ZMYND15: variants seen among roughly 807,000 people sequenced by gnomAD.
ZMYND15 encodes zinc finger MYND domain-containing protein 15.
Under a neutral mutation model 81.7 loss-of-function variants are expected in ZMYND15, and 54 were observed. The observed-to-expected ratio is 0.66, with a 90% CI of 0.53 to 0.83. The LOEUF (loss-of-function observed/expected upper bound fraction) is 0.83. Ranked by LOEUF, ZMYND15 falls within the 40% of genes least tolerant of loss-of-function variation. ZMYND15 has a pLI of 0.00. For missense variants in ZMYND15, 925 were observed against 973.5 expected (o/e 0.95, Z 0.66); for synonymous variants, 399 against 387.0 (o/e 1.03, Z -0.36).
chr17:4,742,791 T>C (rs1377740694), intron 5 of ZMYND15, among the ~76,000 whole-genome samples: 1 of 152,118 alleles, frequency 6.6e-6, no homozygotes, highest in African/African-American at 2.4e-5. Flanking sequence ...CCACTTTACT[T>C]CTTGAAGCTT....
chr17:4,740,068 C>G lies in ZMYND15; in HGVS notation c.-31+18C>G. On this transcript the variant is annotated intron_variant, in intron 1 of 13. Transcript: ENST00000433935. ...GGCTGCAGGTACCGGAGGAGTGGGG[C>G]GGCCGGGAGGGGCTAGGTCTACCGG... The G allele has an allele frequency of 2.0e-6, 2 of 986,016 alleles. No homozygotes were observed. The highest frequency in any genetic ancestry group is 2.4e-6 in the Non-Finnish European group (2 of 830,406). The allele number at this position is 986,016 out of a possible 1,614,324, so 61.1% of individuals were successfully genotyped here.
Position 4,743,441 on chromosome 17 carries a change from G to C in ZMYND15, c.1283G>C (p.Ser428Thr). ...RHPRGNTPSL[S>T]LLRGGDPYQL... Reference sequence around the variant, plus strand: ...CCCCGAGGCAACACGCCATCCCTCAGCCTTCTTCGCGGTGGTGCGTGGGGT... The same window carrying C: ...CCCCGAGGCAACACGCCATCCCTCACCCTTCTTCGCGGTGGTGCGTGGGGT... The change falls in exon 6 of 14, where the codon AGC (serine) becomes ACC (threonine). Residue 428 changes from serine (S) to threonine (T), a missense_variant. Transcript: ENST00000433935. The surrounding 1 kb of genome is among the most constrained non-coding windows in gnomAD (Gnocchi z 4.3). 1 of 1,614,072 alleles carries C rather than the reference G, an allele frequency of 6.2e-7. No individual in the cohort carries two copies. Among genetic ancestry groups the C allele is most frequent in the African/African-American group, 1.3e-5 (1 of 75,024 alleles).
At position 4,740,769 on chromosome 17, in the gene ZMYND15, G is replaced by A; in HGVS notation, c.221G>A (p.Gly74Glu). The A allele has an allele frequency of 6.3e-7, 1 of 1,598,452 alleles. No individual in the cohort carries two copies. The highest frequency in any genetic ancestry group is 8.6e-7 in the Non-Finnish European group (1 of 1,169,002). ...NHSVGISLGQ[G>E]AEPGPGPGLG... ...AGTGTGGGCATCAGCCTGGGGCAAG[G>A]GGCAGAACCAGGTCCTGGACCAGGC... The change falls in exon 2 of 14, where the codon GGG becomes GAG. Residue 74 changes from glycine to glutamate, a missense_variant. By Grantham distance (98) the Gly-to-Glu change is moderately conservative (BLOSUM62 -2). Coordinates refer to ENST00000433935, the MANE Select transcript of ZMYND15 (RefSeq NM_001136046.3).
chr17:4,744,187 C>G lies in ZMYND15; in HGVS notation c.1496-3C>G, dbSNP rs1916562569. ...ATCCTTAAAGCGCTGGTTTTTCACCCAGTCCCTGAGCTCAACATCCAAAAC... is the reference window on the plus strand; with the variant it reads ...ATCCTTAAAGCGCTGGTTTTTCACCGAGTCCCTGAGCTCAACATCCAAAAC... On this transcript the variant is annotated splice_polypyrimidine_tract_variant and splice_region_variant and intron_variant, in intron 8 of 13. Coordinates refer to ENST00000433935, the MANE Select transcript of ZMYND15 (RefSeq NM_001136046.3). The surrounding 1 kb of genome is among the most constrained non-coding windows in gnomAD (Gnocchi z 4.1). 6.2e-7 allele frequency: 1 copy of G among 1,613,970 alleles called. No homozygotes were observed. Among genetic ancestry groups the G allele is most frequent in the African/African-American group, 1.3e-5 (1 of 74,888 alleles).
chr17:4,740,362 T>C, intron 1 of ZMYND15, 157 bp from the exon 2 acceptor site: 1 of 1,260,702 alleles, frequency 7.9e-7, no homozygotes, highest in Admixed American at 3.5e-5. Context: ...TAAACTCCCA[T>C]CCTCAGCCCT....
At position 4,743,386 on chromosome 17, in the gene ZMYND15, C is replaced by T; in HGVS notation, c.1228C>T (p.Leu410=). Residue 410 remains leucine (L), a synonymous_variant, in exon 6 of 14, where the codon CTG becomes TTG. Coordinates refer to ENST00000433935, the MANE Select transcript of ZMYND15 (RefSeq NM_001136046.3). The surrounding 1 kb of genome is among the most constrained non-coding windows in gnomAD (Gnocchi z 4.3). ...TRGYWTQLSM[L]IPGPGFSRHP... ...TGGCTATTGGACCCAGCTCAGCATG[C>T]TGATTCCAGGCCCGGGCTTCTCCAG... 1.2e-6 allele frequency: 2 copies of T among 1,614,136 alleles called. No homozygotes were observed. Among genetic ancestry groups the T allele is most frequent in the Non-Finnish European group, 1.7e-6 (2 of 1,180,010 alleles).
At position 4,744,575 on chromosome 17, in the gene ZMYND15, A is replaced by C. The variant is rs766990208; in HGVS notation, c.1684-50A>C. On this transcript the variant is annotated intron_variant, in intron 10 of 13. Transcript: ENST00000433935. The surrounding 1 kb of genome is among the most constrained non-coding windows in gnomAD (Gnocchi z 4.1). ...CCCCATCTTGCCTGGTGCATCCTCCAGTTCCCTGACTTCCAGTGGCTTTTC... is the reference window on the plus strand; with the variant it reads ...CCCCATCTTGCCTGGTGCATCCTCCCGTTCCCTGACTTCCAGTGGCTTTTC... The C allele has an allele frequency of 1.2e-6, 2 of 1,602,412 alleles. No homozygotes were observed. The highest frequency in any genetic ancestry group is 2.7e-5 in the African/African-American group (2 of 74,494).
In ZMYND15 at chr17:4,741,064, A is replaced by T. The variant is rs1916385505; in HGVS notation, c.516A>T (p.Gly172=). 1.9e-6 allele frequency: 3 copies of T among 1,547,596 alleles called. No homozygotes were observed. Among genetic ancestry groups the T allele is most frequent in the African/African-American group, 1.4e-5 (1 of 72,994 alleles). Residue 172 remains glycine, a synonymous_variant, in exon 2 of 14, where the codon GGA becomes GGT. Transcript: ENST00000433935. ...GESEEAAREA[G]GGKDGCREDR... ...CAGAGGAGGCTGCCCGGGAGGCAGG[A>T]GGTGGCAAGGATGGCTGCCGAGAGG...
chr17:4,744,988 C>A lies in ZMYND15; in HGVS notation c.1896+60C>A, dbSNP rs1472148161. On this transcript the variant is annotated intron_variant, in intron 12 of 13. Coordinates refer to ENST00000433935, the MANE Select transcript of ZMYND15 (RefSeq NM_001136046.3). This position sits in a 1 kb window ranked among gnomAD's most constrained non-coding sequence, Gnocchi z 4.1. ...CTCCTGCCTGGCCCCTCCCCATCTC[C>A]TTTTCTGAAAGTCTCTGGGCTCTCC... 36 of 1,608,190 alleles carry A rather than the reference C, an allele frequency of 2.2e-5. No individual in the cohort carries two copies. The highest frequency in any genetic ancestry group is 3.0e-5 in the Non-Finnish European group (35 of 1,175,138).
chr17:4,744,373 T>C lies in ZMYND15; in HGVS notation c.1589T>C (p.Leu530Pro), dbSNP rs201409055. The C allele has an allele frequency of 1.9e-6, 3 of 1,613,996 alleles. No homozygotes were observed. The highest frequency in any genetic ancestry group is 2.5e-6 in the Non-Finnish European group (3 of 1,180,004). ...TTCTTTCTTTCTGTCCTTCAGGAGC[T>C]TTTGGTCCTGCTCCCCCATGTGGCC... ...EFDLVMVFWE[L>P]LVLLPHVALE... Residue 530 changes from leucine to proline, a missense_variant, in exon 10 of 14, where the codon CTT becomes CCT. Physicochemically the swap from Leu to Pro is moderately conservative, Grantham distance 98. Transcript: ENST00000433935. The surrounding 1 kb of genome is among the most constrained non-coding windows in gnomAD (Gnocchi z 4.1).
At position 4,743,264 on chromosome 17, in the gene ZMYND15, T is replaced by C. The variant is rs745620604; in HGVS notation, c.1145-39T>C. ...AAAAAAAAAAAAATGTCTGGGGTTC[T>C]AGCCCAGCACCTCAACTCCTCCCCT... On this transcript the variant is annotated intron_variant, in intron 5 of 13. Transcript: ENST00000433935. This position sits in a 1 kb window ranked among gnomAD's most constrained non-coding sequence, Gnocchi z 4.3. 1.3e-6 allele frequency: 2 copies of C among 1,579,358 alleles called. No homozygotes were observed. Among genetic ancestry groups the C allele is most frequent in the Non-Finnish European group, 1.7e-6 (2 of 1,166,878 alleles).
At chr17:4,742,137 G>C in intron 4 of ZMYND15, 67 bp downstream of exon 4, 2 of 1,595,762 alleles carry the variant, frequency 1.3e-6, no homozygotes, top group Non-Finnish European at 8.6e-7. Context: ...GCAGGGTGGT[G>C]GGGGGCGCCT....
chr17:4,745,756 T>TGGGAGCCCCGACCCCA lies in ZMYND15; in HGVS notation c.2058-57_2058-56insCCCGACCCCAGGGAGC. ...CCGCGCCCCTGGGAGCCCCGACCCC[T>TGGGAGCCCCGACCCCA]GGGAGCGCCGACCCCTGGGAGTCCC... On this transcript the variant is annotated intron_variant, in intron 13 of 13. Coordinates refer to ENST00000433935, the MANE Select transcript of ZMYND15 (RefSeq NM_001136046.3). The surrounding 1 kb of genome is among the most constrained non-coding windows in gnomAD (Gnocchi z 5.2). The TGGGAGCCCCGACCCCA allele has an allele frequency of 8.7e-7, 1 of 1,149,888 alleles. No homozygotes were observed. Among genetic ancestry groups the TGGGAGCCCCGACCCCA allele is most frequent in the South Asian group, 1.7e-5 (1 of 59,940 alleles). The allele number at this position is 1,149,888 out of a possible 1,614,324, so 71.2% of individuals were successfully genotyped here.
rs555384005 is a variant in ZMYND15 at position 4,740,924 on chromosome 17, G to A, written c.376G>A (p.Glu126Lys). 3.2e-6 allele frequency: 5 copies of A among 1,581,976 alleles called. No homozygotes were observed. In the East Asian group the frequency reaches 1.1e-4, roughly 36 times the overall value. The change falls in exon 2 of 14, where the codon GAG (glutamate) becomes AAG (lysine). Residue 126 changes from glutamate to lysine, a missense_variant. By Grantham distance (56) the Glu-to-Lys change is moderately conservative. Transcript: ENST00000433935. ...EEEEEEDEEEEKREDGGAGST... is the reference protein window; with the variant it reads ...EEEEEEDEEEKKREDGGAGST... ...GGAAGAGGAGGAAGATGAAGAAGAA[G>A]AGAAGAGAGAGGACGGGGGTGCAGG...
chr17:4,745,289 G>T lies in ZMYND15; in HGVS notation c.1971G>T (p.Val657=), dbSNP rs1380261105. The T allele has an allele frequency of 1.9e-6, 3 of 1,613,606 alleles. No individual in the cohort carries two copies. Among genetic ancestry groups the T allele is most frequent in the Non-Finnish European group, 2.5e-6 (3 of 1,179,934 alleles). The change falls in exon 13 of 14, where the codon GTG becomes GTT. Residue 657 remains valine, a synonymous_variant. Coordinates refer to ENST00000433935, the MANE Select transcript of ZMYND15 (RefSeq NM_001136046.3). This position sits in a 1 kb window ranked among gnomAD's most constrained non-coding sequence, Gnocchi z 5.2. ...SCVMDGQTMA[V]ATGGGTSPPQ... ...TGATGGACGGCCAGACCATGGCGGT[G>T]GCCACTGGAGGGGGCACCAGCCCTC...
rs1403406628 is a variant in ZMYND15, at chr17:4,742,350, T to A, written c.1003T>A (p.Leu335Met). Reference protein sequence around the residue: ...LTPCPQCSAVLYCGEACLRAD... With the variant: ...LTPCPQCSAVMYCGEACLRAD... ...CCCCAGCCCCCAGTGTAGTGCTGTC[T>A]TGTATTGTGGAGAGGCTTGTCTCCG... is the stretch of plus-strand genomic sequence containing the variant. Residue 335 changes from leucine to methionine, a missense_variant, in exon 5 of 14, where the codon TTG (leucine) becomes ATG (methionine). Physicochemically the swap from Leu to Met is conservative, Grantham distance 15. Transcript: ENST00000433935. 2 of 1,613,932 alleles carry A rather than the reference T, an allele frequency of 1.2e-6. No homozygotes were observed. Among genetic ancestry groups the A allele is most frequent in the South Asian group, 2.2e-5 (2 of 91,074 alleles).
chr17:4,744,923 T>C lies in ZMYND15; in HGVS notation c.1891T>C (p.Leu631=). 1 of 1,614,002 alleles carries C rather than the reference T, an allele frequency of 6.2e-7. No individual in the cohort carries two copies. The highest frequency in any genetic ancestry group is 8.5e-7 in the Non-Finnish European group (1 of 1,179,986). The change falls in exon 12 of 14, where the codon TTA becomes CTA. Residue 631 remains leucine, a synonymous_variant. Transcript: ENST00000433935. The surrounding 1 kb of genome is among the most constrained non-coding windows in gnomAD (Gnocchi z 4.1). The part of the protein sequence containing the change: ...KDTWLRSLPR[L]QSLRVPAFFT... ...TACGTGGCTGAGGTCTCTGCCCCGGTTACAGGTGGGCAATGGGGGCAAAAG... is the reference window on the plus strand; with the variant it reads ...TACGTGGCTGAGGTCTCTGCCCCGGCTACAGGTGGGCAATGGGGGCAAAAG...
In ZMYND15 at chr17:4,743,634, C is replaced by G; in HGVS notation, c.1298-133C>G. The G allele has an allele frequency of 7.8e-7, 1 of 1,274,516 alleles. No individual in the cohort carries two copies. The highest frequency in any genetic ancestry group is 1.5e-5 in the South Asian group (1 of 68,708). The allele number at this position is 1,274,516 out of a possible 1,614,324, so 79.0% of individuals were successfully genotyped here. A position where few individuals can be genotyped will look rare whatever the true frequency, so the allele number is the denominator to read the frequency against. ...ACCCCTACCAACTCCACCCAGAAACCCCATCCCTATGCAAACCCCCATTCC... is the reference window on the plus strand; with the variant it reads ...ACCCCTACCAACTCCACCCAGAAACGCCATCCCTATGCAAACCCCCATTCC... On this transcript the variant is annotated intron_variant, in intron 6 of 13. Transcript: ENST00000433935. This position sits in a 1 kb window ranked among gnomAD's most constrained non-coding sequence, Gnocchi z 4.3.
intron 5 of ZMYND15, among the ~76,000 whole-genome samples, chr17:4,742,696 G>C (rs1916480996): frequency 6.6e-6 from 1 of 152,162 alleles, no homozygotes; most frequent in African/African-American, 2.4e-5. Context: ...GGGTCCCTGA[G>C]AGCGTGCAGG....
Sources: allele counts gnomAD v4.1 joint callset (sites outside exome capture counted in the v4.1 genomes callset), GRCh38; gene constraint gnomAD v4.1.1; non-coding constraint Gnocchi (gnomAD v3.1); transcripts MANE v1.5; gene names NCBI Gene and HGNC (gene_info 2026-07-23, HGNC 2026-07-21).